Variants in SERGEF observed in about 807,000 individuals in gnomAD.
SERGEF encodes secretion-regulating guanine nucleotide exchange factor.
A neutral mutation model predicts 50.0 loss-of-function variants in SERGEF; 51 were observed. That is an observed-to-expected ratio of 1.02 (90% confidence interval 0.81 to 1.29). The LOEUF (loss-of-function observed/expected upper bound fraction) is 1.29. Ranked by LOEUF, SERGEF falls within the 50% of genes most tolerant of loss-of-function variation. The pLI is 0.00. For missense variants in SERGEF, 521 were observed against 557.0 expected, an observed-to-expected ratio of 0.94 and a Z score of 0.65; for synonymous variants, 205 against 212.4, an observed-to-expected ratio of 0.97 and a Z score of 0.30.
chr11:17,866,575 G>T (rs925345258), intron 10 of SERGEF, among the ~76,000 whole-genome samples: 6 of 152,142 alleles, frequency 3.9e-5, no homozygotes, highest in East Asian at 1.9e-4. Context: ...CAGGATCTTG[G>T]CTCGCTACAA....
At chr11:17,846,272 G>A (rs1260492389) in intron 10 of SERGEF, among the ~76,000 whole-genome samples, 3 of 152,142 alleles carry the variant, frequency 2.0e-5, no homozygotes, top group African/African-American at 4.8e-5. Context: ...CCTGTGTATC[G>A]CCAATGAGTG....
intron 10 of SERGEF, among the ~76,000 whole-genome samples, chr11:17,863,149 T>C (rs1430733435): frequency 1.3e-5 from 2 of 152,234 alleles, no homozygotes; most frequent in Admixed American, 1.3e-4. Flanking sequence ...AATTTCTATC[T>C]ACTTTCTACC....
intron 9 of SERGEF, among the ~76,000 whole-genome samples, chr11:17,936,730 A>G (rs1357896305): frequency 6.6e-6 from 1 of 152,230 alleles, no homozygotes; most frequent in Non-Finnish European, 1.5e-5. Context: ...AAGGATGCCA[A>G]GAGTACATGA....
At chr11:17,919,509 T>A (rs183111630) in intron 9 of SERGEF, among the ~76,000 whole-genome samples, 53 of 152,212 alleles carry the variant, frequency 3.5e-4, no homozygotes, top group African/African-American at 1.1e-3. Context: ...GACATCAAAG[T>A]CTCACTGAAG....
chr11:17,806,962 T>C (rs997911895), intron 10 of SERGEF, among the ~76,000 whole-genome samples: 6 of 151,976 alleles, frequency 3.9e-5, no homozygotes, highest in Non-Finnish European at 7.4e-5. Context: ...CTCCCCTTAC[T>C]TCTCTCCTCC....
At chr11:17,939,105 T>C (rs909597900) in intron 9 of SERGEF, among the ~76,000 whole-genome samples, 4 of 152,248 alleles carry the variant, frequency 2.6e-5, no homozygotes, top group Non-Finnish European at 5.9e-5. Flanking sequence ...TGGTGTGTTA[T>C]ATTTTTCCTA....
chr11:17,859,398 G>A (rs1179460218), intron 10 of SERGEF, among the ~76,000 whole-genome samples: 1 of 151,968 alleles, frequency 6.6e-6, no homozygotes, highest in Non-Finnish European at 1.5e-5. Context: ...TCACAAAGTG[G>A]TAAGAAAAGT....
intron 10 of SERGEF, among the ~76,000 whole-genome samples, chr11:17,864,963 G>T (rs1850994437): frequency 6.6e-6 from 1 of 152,210 alleles, no homozygotes. Context: ...TTAAAAAATT[G>T]TGAGGCTGAA....
intron 10 of SERGEF, among the ~76,000 whole-genome samples, chr11:17,818,521 C>G (rs1198823723): frequency 2.0e-5 from 3 of 152,090 alleles, no homozygotes; most frequent in Non-Finnish European, 2.9e-5. Flanking sequence ...AACTGAGAGA[C>G]TGAGTAATTG....
intron 9 of SERGEF, chr11:17,926,924 T>C: frequency 2.2e-6 from 1 of 446,096 alleles, no homozygotes; most frequent in Non-Finnish European, 4.5e-6. Flanking sequence ...GCAGACTGTC[T>C]GCTCCTATGC....
At chr11:17,936,291 T>C (rs1852450835) in intron 9 of SERGEF, among the ~76,000 whole-genome samples, 1 of 152,150 alleles carries the variant, frequency 6.6e-6, no homozygotes, top group African/African-American at 2.4e-5. Context: ...GATAAGATGA[T>C]TAAGTTCTCT....
At chr11:17,975,598 T>G (rs1433828707) in intron 8 of SERGEF, among the ~76,000 whole-genome samples, 1 of 152,132 alleles carries the variant, frequency 6.6e-6, no homozygotes, top group African/African-American at 2.4e-5. Context: ...GGGGCTCCCC[T>G]AAGAATTCAG....
At chr11:17,998,442 T>TAC (rs1367028906) in intron 5 of SERGEF, among the ~76,000 whole-genome samples, 117 of 2,534 alleles carry the variant, frequency 0.046, no homozygotes, top group Admixed American at 0.099. Flanking sequence ...CATACATACA[T>TAC]ATATATATAT....
At chr11:17,866,750 G>A (rs1459721168) in intron 10 of SERGEF, 1 of 152,206 alleles carries the variant, frequency 6.6e-6, no homozygotes, top group Non-Finnish European at 1.5e-5. Context: ...GACAACCCAA[G>A]ACTGGGTAAT....
chr11:17,830,150 A>C (rs1471802229), intron 10 of SERGEF, among the ~76,000 whole-genome samples: 1 of 152,214 alleles, frequency 6.6e-6, no homozygotes, highest in African/African-American at 2.4e-5. Context: ...ATCACACTGT[A>C]TTGAACACTC....
intron 9 of SERGEF, among the ~76,000 whole-genome samples, chr11:17,937,207 A>C (rs2133952654): frequency 6.6e-6 from 1 of 152,252 alleles, no homozygotes; most frequent in South Asian, 2.1e-4. Context: ...TCATATTTTT[A>C]AAAAATACGT....
intron 9 of SERGEF, among the ~76,000 whole-genome samples, chr11:17,957,605 C>T (rs1240954408): frequency 6.6e-6 from 1 of 152,134 alleles, no homozygotes; most frequent in African/African-American, 2.4e-5. Flanking sequence ...ACTGGTAGAG[C>T]CAACTTCTGC....
At chr11:17,874,653 T>A (rs959277376) in intron 10 of SERGEF, among the ~76,000 whole-genome samples, 1 of 152,240 alleles carries the variant, frequency 6.6e-6, no homozygotes, top group Non-Finnish European at 1.5e-5. Flanking sequence ...TGCTTCAGGC[T>A]GGAACATGCA....
intron 9 of SERGEF, among the ~76,000 whole-genome samples, chr11:17,932,222 C>A (rs1198189359): frequency 1.7e-4 from 26 of 152,156 alleles, no homozygotes; most frequent in Non-Finnish European, 1.5e-5. Flanking sequence ...AATGTCTGCG[C>A]GTGTTCAAAA....
Sources: gnomAD v4.1 joint callset for allele counts (sites outside exome capture counted in the v4.1 genomes callset) on GRCh38, gnomAD v4.1.1 for gene constraint, MANE v1.5 for transcripts, NCBI Gene and HGNC (gene_info 2026-07-23, HGNC 2026-07-21) for gene names.